Variants in WWOX observed in about 807,000 individuals in gnomAD.
The protein encoded by WWOX is WW domain-containing oxidoreductase.
WWOX carries 69 observed loss-of-function variants against 46.2 expected under a neutral mutation model. The ratio of observed to expected loss-of-function variants is 1.49; its 90% CI spans 1.23 to 1.82. The LOEUF is 1.82. Ranked by LOEUF, WWOX falls within the 40% of genes most tolerant of loss-of-function variation. WWOX has a pLI of 0.00. For synonymous variants in WWOX, 359 were observed against 202.6 expected, an observed-to-expected ratio of 1.77 and a Z score of -6.56; for missense variants, 919 against 542.6, an observed-to-expected ratio of 1.69 and a Z score of -6.89.
chr16:78,781,447 A>C (rs1440202733), intron 8 of WWOX, among the ~76,000 whole-genome samples: 2 of 152,140 alleles, frequency 1.3e-5, no homozygotes, highest in Admixed American at 6.5e-5. Flanking sequence ...ACCAGGAAGG[A>C]GGCTGCATTC....
chr16:78,345,458 CAAAAAAAAAAAA>C lies in WWOX; in HGVS notation c.517-41377_517-41366del, dbSNP rs71137889. ...CACCATGGCAAAACCCCATCGCTAC[CAAAAAAAAAAAA>C]AAAAAAAAAAAAAAAAAAAAAAAAT... On this transcript the variant is annotated intron_variant, in intron 5 of 8. Coordinates refer to ENST00000566780, the MANE Select transcript of WWOX (RefSeq NM_016373.4). Among the ~76,000 whole-genome samples, 19 of 26,780 alleles carry C rather than the reference CAAAAAAAAAAAA, an allele frequency of 7.1e-4. 2 individuals carry two copies. Among genetic ancestry groups the C allele is most frequent in the Admixed American group, 2.0e-3 (4 of 2,030 alleles). The allele number at this position is 26,780 out of a possible 152,430, so 17.6% of individuals were successfully genotyped here. A position where few individuals can be genotyped will look rare whatever the true frequency, so the allele number is the denominator to read the frequency against.
At chr16:78,484,244 T>C (rs1426785722) in intron 8 of WWOX, among the ~76,000 whole-genome samples, 1 of 152,242 alleles carries the variant, frequency 6.6e-6, no homozygotes, top group African/African-American at 2.4e-5. Flanking sequence ...CCTTTCTCTT[T>C]AGGCCTTGGC....
chr16:78,288,782 C>G (rs903275915), intron 5 of WWOX, among the ~76,000 whole-genome samples: 2 of 152,046 alleles, frequency 1.3e-5, no homozygotes, highest in African/African-American at 4.8e-5. Context: ...GCCCAGTCAG[C>G]GCATCATTGC....
At chr16:78,522,933 A>G (rs1480802773) in intron 8 of WWOX, among the ~76,000 whole-genome samples, 2 of 152,118 alleles carry the variant, frequency 1.3e-5, no homozygotes, top group African/African-American at 2.4e-5. Flanking sequence ...TTAGCCAGGC[A>G]TGGTGGCATG....
rs1025307745 is a variant in WWOX at position 78,599,919 on chromosome 16, G to A, written c.1056+167167G>A. Among the ~76,000 whole-genome samples, 3 of 152,130 alleles carry A rather than the reference G, an allele frequency of 2.0e-5. No individual in the cohort carries two copies. In the South Asian group the frequency reaches 6.2e-4, roughly 32 times the overall value. On this transcript the variant is annotated intron_variant, in intron 8 of 8. Coordinates refer to ENST00000566780, the MANE Select transcript of WWOX (RefSeq NM_016373.4). ...TAGGACTCAAAGATGCCGTGGGGGT[G>A]TATTAGTCTGTTTCCTTGCTGTTGA...
chr16:78,921,794 T>C (rs898406597), intron 8 of WWOX, among the ~76,000 whole-genome samples: 20 of 152,348 alleles, frequency 1.3e-4, no homozygotes, highest in Middle Eastern at 3.4e-3. Context: ...AGATTGTCCT[T>C]ACTCTGACAC....
intron 8 of WWOX, among the ~76,000 whole-genome samples, chr16:79,042,727 G>GT (rs1470599571): frequency 3.3e-5 from 2 of 60,274 alleles, no homozygotes. Flanking sequence ...GAATACTCAG[G>GT]GTTTTTTTTT....
At chr16:79,162,724 C>T (rs1271699209) in intron 8 of WWOX, among the ~76,000 whole-genome samples, 1 of 152,174 alleles carries the variant, frequency 6.6e-6, no homozygotes, top group Non-Finnish European at 1.5e-5. Context: ...CATTCAGAGG[C>T]TCAAGAATTG....
chr16:79,032,410 A>G (rs921920645), intron 8 of WWOX, among the ~76,000 whole-genome samples: 1 of 147,048 alleles, frequency 6.8e-6, no homozygotes, highest in African/African-American at 2.5e-5. Flanking sequence ...TGTAGGGAAT[A>G]TGTTACATAT....
chr16:78,979,521 C>G (rs890657915), intron 8 of WWOX, among the ~76,000 whole-genome samples: 2 of 152,168 alleles, frequency 1.3e-5, no homozygotes, highest in African/African-American at 4.8e-5. Flanking sequence ...GTGAAAGGCC[C>G]TCACTCCCTG....
intron 5 of WWOX, among the ~76,000 whole-genome samples, chr16:78,323,627 C>G (rs1481027059): frequency 6.6e-6 from 1 of 152,142 alleles, no homozygotes; most frequent in Non-Finnish European, 1.5e-5. Context: ...GGTTGTGAGG[C>G]TGTGGACTTT....
chr16:78,615,655 C>G (rs1391712381), intron 8 of WWOX, among the ~76,000 whole-genome samples: 2 of 151,112 alleles, frequency 1.3e-5, no homozygotes, highest in African/African-American at 4.9e-5. Context: ...GACCCCATTT[C>G]CAAAAAATAA....
intron 8 of WWOX, among the ~76,000 whole-genome samples, chr16:79,012,398 A>G (rs2047328642): frequency 6.6e-6 from 1 of 151,956 alleles, no homozygotes; most frequent in African/African-American, 2.4e-5. Context: ...ACGCCCAGCT[A>G]ATTTTTGCAT....
chr16:78,547,267 G>A (rs1022719890), intron 8 of WWOX, among the ~76,000 whole-genome samples: 2 of 151,258 alleles, frequency 1.3e-5, no homozygotes, highest in African/African-American at 4.9e-5. Context: ...AATGCTTTGC[G>A]TACATCAGCT....
intron 8 of WWOX, among the ~76,000 whole-genome samples, chr16:78,642,985 G>C (rs1043375723): frequency 6.6e-6 from 1 of 152,150 alleles, no homozygotes; most frequent in African/African-American, 2.4e-5. Context: ...GATTAAATCA[G>C]TTCATGGAGA....
chr16:78,701,885 G>A (rs914145552), intron 8 of WWOX, among the ~76,000 whole-genome samples: 1 of 151,086 alleles, frequency 6.6e-6, no homozygotes, highest in African/African-American at 2.4e-5. Flanking sequence ...AAAGGCCCCA[G>A]TAATAAAAGG....
rs1229660162 is a variant in WWOX at position 78,634,620 on chromosome 16, C to G, written c.1056+201868C>G. On this transcript the variant is annotated intron_variant, in intron 8 of 8. Coordinates refer to ENST00000566780, the MANE Select transcript of WWOX (RefSeq NM_016373.4). ...ATTCAGGAAGTTGAGGCAGGAGAAT[C>G]ATTTGAACCCAGGAGGCGGAGGTTG... Among the ~76,000 whole-genome samples, 6 of 150,900 alleles carry G rather than the reference C, an allele frequency of 4.0e-5. No individual in the cohort carries two copies. In the East Asian group the frequency reaches 1.2e-3, roughly 30 times the overall value.
intron 5 of WWOX, among the ~76,000 whole-genome samples, chr16:78,249,544 C>T (rs923642414): frequency 6.6e-6 from 1 of 152,134 alleles, no homozygotes; most frequent in Non-Finnish European, 1.5e-5. Context: ...CAGGAGCAGC[C>T]TGGGCTGAGT....
At chr16:79,135,077 ATTGTTT>A (rs2049957298) in intron 8 of WWOX, among the ~76,000 whole-genome samples, 1 of 152,182 alleles carries the variant, frequency 6.6e-6, no homozygotes, top group Admixed American at 6.5e-5. Context: ...ATACATAAAC[ATTGTTT>A]TTCACTGTGG....
Sources: gnomAD v4.1 joint callset for allele counts (sites outside exome capture counted in the v4.1 genomes callset) on GRCh38, gnomAD v4.1.1 for gene constraint, MANE v1.5 for transcripts, NCBI Gene and HGNC (gene_info 2026-07-23, HGNC 2026-07-21) for gene names.